Variants in CFAP299 observed in about 807,000 individuals in gnomAD.
CFAP299 encodes cilia and flagella associated protein 299, also known as cilia- and flagella-associated protein 299.
In CFAP299, 21 loss-of-function variants were observed where a neutral mutation model predicts 27.0. That is an observed-to-expected ratio of 0.78 (90% CI 0.55 to 1.12). The LOEUF (loss-of-function observed/expected upper bound fraction) is 1.12, where lower values mean the gene tolerates loss of function less well. Among genes scored for constraint, CFAP299 ranks in the 50% most tolerant of loss-of-function variants. CFAP299 has a pLI of 0.00. For missense variants in CFAP299, 310 were observed against 276.6 expected (o/e 1.12, Z -0.86); for synonymous variants, 104 against 98.1 (o/e 1.06, Z -0.36).
chr4:80,800,772 T>TATGTATGC (rs1560419863), intron 3 of CFAP299, among the ~76,000 whole-genome samples: 2 of 134,048 alleles, frequency 1.5e-5, no homozygotes, highest in African/African-American at 5.8e-5. Flanking sequence ...TGTGTGTATA[T>TATGTATGC]ATATATATGT....
chr4:80,920,309 G>A (rs976978048), intron 4 of CFAP299, among the ~76,000 whole-genome samples: 2 of 152,042 alleles, frequency 1.3e-5, no homozygotes, highest in Non-Finnish European at 2.9e-5. Context: ...TTTCCTCACT[G>A]AACCAAATGG....
chr4:80,531,747 GTT>G (rs200507684), intron 2 of CFAP299, among the ~76,000 whole-genome samples: 3 of 116,484 alleles, frequency 2.6e-5, no homozygotes, highest in Admixed American at 9.1e-5. Context: ...TAAGATAGAA[GTT>G]TTTTTTTTTT....
At chr4:80,608,656 C>G (rs764178859) in intron 3 of CFAP299, among the ~76,000 whole-genome samples, 11 of 152,008 alleles carry the variant, frequency 7.2e-5, no homozygotes, top group Non-Finnish European at 1.5e-4. Flanking sequence ...ATCCATACAA[C>G]TCTTATATTT....
intron 1 of CFAP299, among the ~76,000 whole-genome samples, chr4:80,339,704 A>T (rs1722345760): frequency 6.6e-6 from 1 of 152,228 alleles, no homozygotes. Context: ...ATCTAACCTA[A>T]TTAACTTAAT....
At chr4:80,398,465 C>G (rs1192981945) in intron 2 of CFAP299, among the ~76,000 whole-genome samples, 1 of 152,170 alleles carries the variant, frequency 6.6e-6, no homozygotes, top group Non-Finnish European at 1.5e-5. Flanking sequence ...GTAACCAAAA[C>G]AGCATGGTAC....
At chr4:80,372,915 G>A (rs1034778171) in intron 2 of CFAP299, among the ~76,000 whole-genome samples, 6 of 152,112 alleles carry the variant, frequency 3.9e-5, no homozygotes, top group African/African-American at 9.7e-5. Flanking sequence ...ACTTATTCAC[G>A]AAATCAATAG....
chr4:80,906,981 G>T (rs1735217379), intron 4 of CFAP299, among the ~76,000 whole-genome samples: 2 of 152,206 alleles, frequency 1.3e-5, no homozygotes, highest in South Asian at 4.2e-4. Flanking sequence ...TCCAAAAAAT[G>T]GGCTTTTCTT....
chr4:80,866,059 T>TTA (rs70956073), intron 3 of CFAP299, among the ~76,000 whole-genome samples: 1,190 of 58,262 alleles, frequency 0.02, 65 homozygotes, highest in Admixed American at 0.044. Context: ...ACTTAAAGTA[T>TTA]TATATATATA....
At chr4:80,901,755 ATATATGGTTACC>A (rs1193391111) in intron 4 of CFAP299, among the ~76,000 whole-genome samples, 2 of 152,032 alleles carry the variant, frequency 1.3e-5, no homozygotes, top group Non-Finnish European at 2.9e-5. Flanking sequence ...CATTTCTTTC[ATATATGGTTACC>A]TACTTTAGTT....
chr4:80,401,963 C>G (rs1208823214), intron 2 of CFAP299, among the ~76,000 whole-genome samples: 2 of 152,106 alleles, frequency 1.3e-5, no homozygotes, highest in East Asian at 3.9e-4. Context: ...CATTTTGGAC[C>G]TTTAAAATTT....
At chr4:80,501,301 G>GACTTA (rs1478838095) in intron 2 of CFAP299, among the ~76,000 whole-genome samples, 1 of 151,336 alleles carries the variant, frequency 6.6e-6, no homozygotes, top group African/African-American at 2.4e-5. Flanking sequence ...CTTAATGGTA[G>GACTTA]ACTTAATTTT....
At chr4:80,574,344 G>A (rs1011529704) in intron 2 of CFAP299, among the ~76,000 whole-genome samples, 1 of 152,092 alleles carries the variant, frequency 6.6e-6, no homozygotes, top group African/African-American at 2.4e-5. Context: ...AGTTCTAATA[G>A]TTTTTCAGTG....
At chr4:80,622,634 T>C (rs547894756) in intron 3 of CFAP299, among the ~76,000 whole-genome samples, 11 of 152,318 alleles carry the variant, frequency 7.2e-5, no homozygotes, top group Non-Finnish European at 1.5e-4. Flanking sequence ...AATGGGTTTA[T>C]ATTTAAAGTA....
chr4:80,473,906 A>C (rs1444351281), intron 2 of CFAP299, among the ~76,000 whole-genome samples: 1 of 152,184 alleles, frequency 6.6e-6, no homozygotes, highest in African/African-American at 2.4e-5. Flanking sequence ...CATTAAAACA[A>C]ATATCTTTGG....
chr4:80,723,182 T>G (rs1578059658), intron 3 of CFAP299, among the ~76,000 whole-genome samples: 1 of 143,686 alleles, frequency 7.0e-6, no homozygotes, highest in South Asian at 2.1e-4. Flanking sequence ...TTAGGTGAAC[T>G]TTTTGGTAGT....
chr4:80,916,388 G>C (rs555358126), intron 4 of CFAP299, among the ~76,000 whole-genome samples: 18 of 149,150 alleles, frequency 1.2e-4, no homozygotes, highest in Admixed American at 6.7e-5. Context: ...TTTGATGCTA[G>C]GTACTTCTGT....
intron 2 of CFAP299, among the ~76,000 whole-genome samples, chr4:80,497,777 C>G (rs373051158): frequency 2.0e-5 from 3 of 152,118 alleles, no homozygotes; most frequent in African/African-American, 7.2e-5. Context: ...TCACATGGAA[C>G]TGAAAAAGAC....
At chr4:80,627,022 C>T (rs1411858601) in intron 3 of CFAP299, among the ~76,000 whole-genome samples, 2 of 151,520 alleles carry the variant, frequency 1.3e-5, no homozygotes, top group Non-Finnish European at 3.0e-5. Flanking sequence ...AACAAACAAA[C>T]AAACAAACAA....
At chr4:80,675,923 C>G (rs1307293652) in intron 3 of CFAP299, among the ~76,000 whole-genome samples, 3 of 152,168 alleles carry the variant, frequency 2.0e-5, no homozygotes, top group Non-Finnish European at 4.4e-5. Flanking sequence ...GGGAGTGTCC[C>G]TATTTTCCAG....
Sources: gnomAD v4.1 joint callset for allele counts (sites outside exome capture counted in the v4.1 genomes callset) on GRCh38, gnomAD v4.1.1 for gene constraint, MANE v1.5 for transcripts, NCBI Gene and HGNC (gene_info 2026-07-23, HGNC 2026-07-21) for gene names.